The following TRAF3 variants were observed in gnomAD, a reference collection of about 807,000 sequenced individuals.
TRAF3 encodes the protein TNF receptor associated factor 3, also known as TNF receptor-associated factor 3.
Under a neutral mutation model 62.3 loss-of-function variants are expected in TRAF3, and 13 were observed. The observed-to-expected ratio is 0.21, with a 90% confidence interval of 0.14 to 0.33. The LOEUF is 0.33. Among genes scored for constraint, TRAF3 ranks in the 10% least tolerant of loss-of-function variants. The probability of loss-of-function intolerance (pLI) is 1.00; values close to 1 mark genes in which losing one functional copy is unlikely to be tolerated. For missense variants in TRAF3, 440 were observed against 741.8 expected, an observed-to-expected ratio of 0.59 and a Z score of 4.73; for synonymous variants, 269 against 283.4, an observed-to-expected ratio of 0.95 and a Z score of 0.51.
In TRAF3 at chr14:102,826,270, G is replaced by A. The variant is rs1254712287; in HGVS notation, c.-156-4064G>A. On this transcript the variant is annotated intron_variant, in intron 1 of 11. Coordinates refer to ENST00000392745, the MANE Select transcript of TRAF3 (RefSeq NM_145725.3). This position sits in a 1 kb window ranked among gnomAD's most constrained non-coding sequence, Gnocchi z 4.6. ...GCATCCTCGTCTGTCTGGTGGAGCCGCCTCACAGAGGAACAAGTGAGTTGT... is the reference window on the plus strand; with the variant it reads ...GCATCCTCGTCTGTCTGGTGGAGCCACCTCACAGAGGAACAAGTGAGTTGT... 6.6e-6 allele frequency among the ~76,000 whole-genome samples: 1 copy of A among 152,076 alleles called. No homozygotes were observed. Among genetic ancestry groups the A allele is most frequent in the Non-Finnish European group, 1.5e-5 (1 of 68,010 alleles).
intron 1 of TRAF3, among the ~76,000 whole-genome samples, chr14:102,812,337 A>T (rs1051821913): frequency 2.6e-5 from 4 of 152,114 alleles, no homozygotes; most frequent in Non-Finnish European, 4.4e-5. Flanking sequence ...ACAGGATTTC[A>T]TTCATTTTTA....
At chr14:102,786,104 G>T (rs1373258799) in intron 1 of TRAF3, among the ~76,000 whole-genome samples, 1 of 152,142 alleles carries the variant, frequency 6.6e-6, no homozygotes, top group Non-Finnish European at 1.5e-5. Context: ...TTTATGTATG[G>T]AAGGAATTAG....
At chr14:102,807,131 C>A (rs117997668) in intron 1 of TRAF3, among the ~76,000 whole-genome samples, 1,825 of 152,284 alleles carry the variant, frequency 0.012, 16 homozygotes, top group Non-Finnish European at 0.018. Flanking sequence ...TTTCTCCATG[C>A]TGCTGTCAGA....
intron 1 of TRAF3, among the ~76,000 whole-genome samples, chr14:102,777,987 C>G (rs1414925899): frequency 6.6e-6 from 1 of 150,598 alleles, no homozygotes; most frequent in Non-Finnish European, 1.5e-5. Flanking sequence ...GGCGCGCAGG[C>G]CTCGCTACGG....
intron 1 of TRAF3, among the ~76,000 whole-genome samples, chr14:102,801,870 G>A (rs569542363): frequency 6.6e-6 from 1 of 151,388 alleles, no homozygotes; most frequent in African/African-American, 2.4e-5. Context: ...CAAAAAATTA[G>A]CCGGGCGTGG....
rs753156399 is a variant in TRAF3, at chr14:102,905,822, C to T, written c.*38C>T. On this transcript the variant is annotated 3_prime_UTR_variant, in exon 12 of 12. Transcript: ENST00000392745. ...GAGGTGGATTTAGCAGAAGGCAACT[C>T]CTCTGGGGGATTTGAACCGGTCTGT... 6.4e-7 allele frequency: 1 copy of T among 1,570,722 alleles called. No homozygotes were observed. The highest frequency in any genetic ancestry group is 1.1e-5 in the South Asian group (1 of 89,348).
At chr14:102,874,446 A>G (rs1184179350) in intron 4 of TRAF3, among the ~76,000 whole-genome samples, 2 of 151,996 alleles carry the variant, frequency 1.3e-5, no homozygotes, top group African/African-American at 4.8e-5. Flanking sequence ...TCTAGTAGAG[A>G]TGGGGTTTCA....
chr14:102,902,215 C>T (rs1158062688), intron 10 of TRAF3, among the ~76,000 whole-genome samples: 1 of 152,262 alleles, frequency 6.6e-6, no homozygotes, highest in Non-Finnish European at 1.5e-5. Flanking sequence ...AGGGTTTCTG[C>T]GTTCCTGCCT....
At chr14:102,810,277 G>A (rs1056464892) in intron 1 of TRAF3, among the ~76,000 whole-genome samples, 1 of 152,132 alleles carries the variant, frequency 6.6e-6, no homozygotes, top group African/African-American at 2.4e-5. Flanking sequence ...CAGTGGGAGA[G>A]AGAGTATAGA....
chr14:102,841,673 A>T (rs1886381856), intron 2 of TRAF3, among the ~76,000 whole-genome samples: 1 of 152,220 alleles, frequency 6.6e-6, no homozygotes, highest in African/African-American at 2.4e-5. Flanking sequence ...TAAAACTAGC[A>T]CCCAAAAATG....
intron 2 of TRAF3, among the ~76,000 whole-genome samples, chr14:102,858,527 TATA>T (rs34436763): frequency 0.33 from 49,749 of 151,818 alleles, 10,986 homozygotes; most frequent in African/African-American, 0.62. Flanking sequence ...GTTGAAGTCC[TATA>T]ATAGCTGACT....
chr14:102,864,561 A>T (rs115701462), intron 2 of TRAF3, among the ~76,000 whole-genome samples: 4,483 of 152,270 alleles, frequency 0.029, 98 homozygotes, highest in African/African-American at 0.058. Context: ...ATATTTTAGG[A>T]CATATTAAAT....
chr14:102,866,851 ACACAC>A (rs1469069909), intron 2 of TRAF3, among the ~76,000 whole-genome samples: 4 of 14,936 alleles, frequency 2.7e-4, no homozygotes, highest in African/African-American at 5.0e-4. Flanking sequence ...TCTCTTGAAA[ACACAC>A]ACACACACAC....
chr14:102,897,466 G>T, intron 10 of TRAF3, 65 bp downstream of exon 10: 1 of 1,596,712 alleles, frequency 6.3e-7, no homozygotes, highest in Non-Finnish European at 8.6e-7. Context: ...CCCCTTAAGG[G>T]TTTCTTAGCA....
At chr14:102,860,599 G>C (rs8012557) in intron 2 of TRAF3, among the ~76,000 whole-genome samples, 102,696 of 152,164 alleles carry the variant, frequency 0.67, 36,354 homozygotes, top group African/African-American at 0.9. Context: ...CCCAGGTGCT[G>C]AGAGAAAGGA....
intron 11 of TRAF3, among the ~76,000 whole-genome samples, chr14:102,904,405 G>A (rs897618590): frequency 4.6e-5 from 7 of 152,352 alleles, no homozygotes; most frequent in African/African-American, 9.6e-5. Context: ...GACTGGGCAT[G>A]GTGGTGTGGC....
intron 2 of TRAF3, among the ~76,000 whole-genome samples, chr14:102,836,464 G>A (rs931151864): frequency 6.6e-6 from 1 of 152,092 alleles, no homozygotes; most frequent in Non-Finnish European, 1.5e-5. Context: ...TTAAATTCAC[G>A]GTGTAAACTG....
intron 1 of TRAF3, among the ~76,000 whole-genome samples, chr14:102,816,438 T>G (rs1899526379): frequency 6.6e-6 from 1 of 152,198 alleles, no homozygotes; most frequent in African/African-American, 2.4e-5. Context: ...ACACCAGATT[T>G]TGAAGATTAA....
chr14:102,814,283 T>A (rs956078637), intron 1 of TRAF3, among the ~76,000 whole-genome samples: 23 of 152,216 alleles, frequency 1.5e-4, no homozygotes, highest in African/African-American at 5.5e-4. Context: ...GTATCTGTTT[T>A]TATAGACACA....
Sources: allele counts gnomAD v4.1 joint callset (sites outside exome capture counted in the v4.1 genomes callset), GRCh38; gene constraint gnomAD v4.1.1; non-coding constraint Gnocchi (gnomAD v3.1); transcripts MANE v1.5; gene names NCBI Gene and HGNC (gene_info 2026-07-23, HGNC 2026-07-21).